Variants in GRAMD2B observed in about 807,000 individuals in gnomAD.
GRAMD2B encodes the protein GRAM domain containing 2B.
In GRAMD2B, 41 loss-of-function variants were observed where a neutral mutation model predicts 59.2. The observed-to-expected ratio is 0.69, with a 90% CI of 0.54 to 0.90. The LOEUF is 0.90. Ranked by LOEUF, GRAMD2B falls within the 40% of genes least tolerant of loss-of-function variation. GRAMD2B has a pLI of 0.00. For synonymous variants in GRAMD2B, 161 were observed against 182.7 expected (o/e 0.88, Z 0.96); for missense variants, 424 against 500.5 (o/e 0.85, Z 1.46).
At chr5:126,394,241 G>T (rs543554776) in intron 1 of GRAMD2B, among the ~76,000 whole-genome samples, 2 of 150,930 alleles carry the variant, frequency 1.3e-5, no homozygotes, top group African/African-American at 4.9e-5. Context: ...CGCCACTGCA[G>T]TCCAGCCCGG....
Position 126,485,719 on chromosome 5 carries a change from T to C in GRAMD2B, c.1004T>C (p.Val335Ala), listed in dbSNP as rs1235521163. ...GAAACTGTTGGAATCTTACATAAAG[T>C]CAAGTCTCAGAAATGTCCGATGCTT... ...LSETVGILHK[V>A]KSQKCPMLHH... The change falls in exon 11 of 14, where the codon GTC becomes GCC. Residue 335 changes from valine to alanine, a missense_variant. Coordinates refer to ENST00000285689, the MANE Select transcript of GRAMD2B (RefSeq NM_023927.4). 1.9e-6 allele frequency: 3 copies of C among 1,612,792 alleles called. No homozygotes were observed. The highest frequency in any genetic ancestry group is 4.5e-5 in the East Asian group (2 of 44,836).
chr5:126,392,432 T>G lies in GRAMD2B; in HGVS notation c.125+20865T>G, dbSNP rs923805615. 2.0e-5 allele frequency among the ~76,000 whole-genome samples: 3 copies of G among 152,142 alleles called. No individual in the cohort carries two copies. In the South Asian group the frequency reaches 6.2e-4, roughly 32 times the overall value. ...CACCAGCAACAAAAATGTAGCAATA[T>G]GTGTGCAATATTTCTGCCCAGAGAT... On this transcript the variant is annotated intron_variant, in intron 1 of 8. Transcript: ENST00000506445.
At chr5:126,374,131 T>C (rs1428640263) in intron 1 of GRAMD2B, among the ~76,000 whole-genome samples, 1 of 152,250 alleles carries the variant, frequency 6.6e-6, no homozygotes, top group Admixed American at 6.5e-5. Flanking sequence ...TCATAGATTA[T>C]GAACATGATT....
intron 1 of GRAMD2B, among the ~76,000 whole-genome samples, chr5:126,463,435 C>A (rs1767726810): frequency 2.0e-5 from 3 of 152,036 alleles, no homozygotes; most frequent in Non-Finnish European, 4.4e-5. Context: ...TGCTTTAAGG[C>A]CTCTTAACTA....
intron 1 of GRAMD2B, among the ~76,000 whole-genome samples, chr5:126,385,299 A>T (rs1283557761): frequency 6.6e-6 from 1 of 152,214 alleles, no homozygotes; most frequent in Non-Finnish European, 1.5e-5. Context: ...GACTCTCAGC[A>T]ATCCCAAATA....
chr5:126,461,456 T>A (rs752744571), intron 1 of GRAMD2B, among the ~76,000 whole-genome samples: 12 of 152,162 alleles, frequency 7.9e-5, no homozygotes, highest in Non-Finnish European at 1.2e-4. Flanking sequence ...TGTGTAACAG[T>A]GTGTGGCAGT....
At chr5:126,378,901 T>G (rs897484605) in intron 1 of GRAMD2B, among the ~76,000 whole-genome samples, 1 of 152,210 alleles carries the variant, frequency 6.6e-6, no homozygotes, top group Non-Finnish European at 1.5e-5. Context: ...TCTGAAATAT[T>G]TGACTCACTT....
intron 1 of GRAMD2B, among the ~76,000 whole-genome samples, chr5:126,383,085 C>T (rs747420071): frequency 1.6e-4 from 24 of 152,152 alleles, no homozygotes; most frequent in Non-Finnish European, 2.5e-4. Flanking sequence ...AGCACCTTCC[C>T]CAGTGGAGGT....
intron 3 of GRAMD2B, 27 bp downstream of exon 3, chr5:126,469,815 T>C: frequency 6.5e-7 from 1 of 1,526,900 alleles, no homozygotes. Context: ...ATTTGTATTG[T>C]CTTAGAGGGT....
At chr5:126,394,045 C>T (rs938976358) in intron 1 of GRAMD2B, among the ~76,000 whole-genome samples, 1 of 152,010 alleles carries the variant, frequency 6.6e-6, no homozygotes, top group East Asian at 1.9e-4. Flanking sequence ...GAGGCCAAGG[C>T]GGGCAGATCA....
At chr5:126,419,317 TGAGA>T (rs370172750), upstream of GRAMD2B, among the ~76,000 whole-genome samples, 8 of 143,950 alleles carry the variant, frequency 5.6e-5, no homozygotes, top group African/African-American at 1.5e-4. Context: ...GAGAGAGAGG[TGAGA>T]GAGAGAGAGA....
rs538765118 is a variant in GRAMD2B, at chr5:126,423,554, G to A, written c.-53G>A. ...CCGGACCTAGAAGCCGGGACGAGCC[G>A]GGGCAGAGCCAGGCGCGCGGAAGTC... is the stretch of plus-strand genomic sequence containing the variant. On this transcript the variant is annotated 5_prime_UTR_variant, in exon 1 of 14. Coordinates refer to ENST00000285689, the MANE Select transcript of GRAMD2B (RefSeq NM_023927.4). 1.9e-6 allele frequency: 3 copies of A among 1,585,888 alleles called. No homozygotes were observed. The highest frequency in any genetic ancestry group is 3.6e-5 in the Admixed American group (2 of 55,064).
At chr5:126,375,889 T>A (rs966708417) in intron 1 of GRAMD2B, among the ~76,000 whole-genome samples, 1 of 152,216 alleles carries the variant, frequency 6.6e-6, no homozygotes, top group Non-Finnish European at 1.5e-5. Flanking sequence ...CCAGCCTCCA[T>A]TGAGTTAATC....
upstream of GRAMD2B, among the ~76,000 whole-genome samples, chr5:126,419,507 G>T (rs1207631836): frequency 6.6e-6 from 1 of 151,964 alleles, no homozygotes; most frequent in Non-Finnish European, 1.5e-5. Context: ...ATGAGATTTG[G>T]GTGGGGACAC....
At chr5:126,402,308 A>G (rs777494428) in intron 1 of GRAMD2B, among the ~76,000 whole-genome samples, 4 of 152,104 alleles carry the variant, frequency 2.6e-5, no homozygotes, top group Non-Finnish European at 5.9e-5. Context: ...CTTTTAGCCA[A>G]TGCAGAAAGC....
chr5:126,461,635 ACT>A (rs1767387933), intron 1 of GRAMD2B, among the ~76,000 whole-genome samples: 1 of 152,104 alleles, frequency 6.6e-6, no homozygotes, highest in Non-Finnish European at 1.5e-5. Context: ...CCCCGTCTCT[ACT>A]AAAAATACAA....
chr5:126,468,007 A>G (rs1260445472), intron 2 of GRAMD2B, among the ~76,000 whole-genome samples: 1 of 152,190 alleles, frequency 6.6e-6, no homozygotes, highest in Non-Finnish European at 1.5e-5. Flanking sequence ...TCTTAAATCC[A>G]CTTTGAACCA....
chr5:126,364,580 G>T (rs1754356687), intron 1 of GRAMD2B, among the ~76,000 whole-genome samples: 1 of 152,220 alleles, frequency 6.6e-6, no homozygotes, highest in Non-Finnish European at 1.5e-5. Flanking sequence ...CTACAAAGCA[G>T]CATGATGTGA....
At chr5:126,388,874 G>A (rs1466408278) in intron 1 of GRAMD2B, among the ~76,000 whole-genome samples, 3 of 151,968 alleles carry the variant, frequency 2.0e-5, no homozygotes, top group African/African-American at 4.8e-5. Flanking sequence ...GGGTGGGGTG[G>A]GGGTGAGAAT....
Sources: allele counts gnomAD v4.1 joint callset (sites outside exome capture counted in the v4.1 genomes callset), GRCh38; gene constraint gnomAD v4.1.1; transcripts MANE v1.5; gene names NCBI Gene and HGNC (gene_info 2026-07-23, HGNC 2026-07-21).